The following PDSS2 variants were observed in gnomAD, a reference collection of about 807,000 sequenced individuals.
PDSS2 encodes the protein decaprenyl diphosphate synthase subunit 2.
A neutral mutation model predicts 44.5 loss-of-function variants in PDSS2; 31 were observed. The ratio of observed to expected loss-of-function variants is 0.70; its 90% CI spans 0.52 to 0.94. PDSS2 has a LOEUF of 0.94. Among genes scored for constraint, PDSS2 ranks in the 40% least tolerant of loss-of-function variants. PDSS2 has a pLI of 0.00. For missense variants in PDSS2, 452 were observed against 482.2 expected, an observed-to-expected ratio of 0.94 and a Z score of 0.59; for synonymous variants, 157 against 180.3, an observed-to-expected ratio of 0.87 and a Z score of 1.03.
At chr6:107,419,178 T>C (rs968974242) in intron 1 of PDSS2, among the ~76,000 whole-genome samples, 5 of 152,170 alleles carry the variant, frequency 3.3e-5, no homozygotes, top group Admixed American at 1.3e-4. Context: ...TGCTCTAGTA[T>C]AGCAACTCAT....
chr6:107,443,567 T>G (rs1243270458), intron 1 of PDSS2, among the ~76,000 whole-genome samples: 3 of 152,244 alleles, frequency 2.0e-5, no homozygotes. Context: ...TCTGTTTGTT[T>G]ACAGTGGAAG....
At chr6:107,264,812 A>G (rs1480810167) in intron 3 of PDSS2, among the ~76,000 whole-genome samples, 2 of 152,172 alleles carry the variant, frequency 1.3e-5, no homozygotes, top group Non-Finnish European at 2.9e-5. Context: ...AAAATTTTAG[A>G]TTCTGGCATG....
chr6:107,440,788 G>A (rs1781491000), intron 1 of PDSS2, among the ~76,000 whole-genome samples: 1 of 152,198 alleles, frequency 6.6e-6, no homozygotes, highest in Non-Finnish European at 1.5e-5. Context: ...AAGAGAATGA[G>A]TACAGGTAGA....
chr6:107,309,670 T>C (rs931460513), intron 2 of PDSS2, among the ~76,000 whole-genome samples: 31 of 152,198 alleles, frequency 2.0e-4, no homozygotes, highest in African/African-American at 7.2e-4. Flanking sequence ...GTGGCTGTCA[T>C]TGCGAATCCT....
chr6:107,204,093 T>C (rs1772886874), intron 6 of PDSS2, among the ~76,000 whole-genome samples: 1 of 151,926 alleles, frequency 6.6e-6, no homozygotes, highest in Admixed American at 6.6e-5. Context: ...CGGGTGCCTA[T>C]TACCACACCC....
At chr6:107,388,147 A>G (rs920341323) in intron 1 of PDSS2, among the ~76,000 whole-genome samples, 9 of 152,222 alleles carry the variant, frequency 5.9e-5, no homozygotes, top group African/African-American at 2.2e-4. Context: ...ATGCATAAGA[A>G]GAGAAGAAAG....
intron 7 of PDSS2, among the ~76,000 whole-genome samples, chr6:107,174,354 A>G (rs1460869036): frequency 6.6e-6 from 1 of 152,252 alleles, no homozygotes; most frequent in Non-Finnish European, 1.5e-5. Flanking sequence ...AAGAACCTTC[A>G]AATGACTAGA....
rs552319727 is a variant in PDSS2, at chr6:107,223,763, C to G, written c.703-11481G>C. On this transcript the variant is annotated intron_variant, in intron 4 of 7. Coordinates refer to ENST00000369037, the MANE Select transcript of PDSS2 (RefSeq NM_020381.4). ...TGAATGACATCTATGTACCCGCCCC[C>G]GACCCCGACCCACCAAGAGCATTTA... is the stretch of plus-strand genomic sequence containing the variant. Among the ~76,000 whole-genome samples the G allele has an allele frequency of 2.6e-4, 37 of 144,330 alleles. 2 individuals are homozygous for G. Among genetic ancestry groups the G allele is most frequent in the African/African-American group, 9.3e-4 (36 of 38,842 alleles). The allele number at this position is 144,330 out of a possible 152,430, so 94.7% of individuals were successfully genotyped here.
intron 3 of PDSS2, 57 bp from the exon 4 acceptor site, chr6:107,245,676 C>T: frequency 9.0e-7 from 1 of 1,114,136 alleles, no homozygotes; most frequent in South Asian, 1.5e-5. Context: ...TCTATTGTTA[C>T]CTCAGAATGT....
intron 4 of PDSS2, among the ~76,000 whole-genome samples, chr6:107,221,910 A>C (rs542398091): frequency 4.5e-4 from 69 of 152,334 alleles, no homozygotes; most frequent in African/African-American, 1.5e-3. Flanking sequence ...CCTTTCACAT[A>C]ATCAGAAAAG....
chr6:107,172,306 A>G (rs1771607854), intron 7 of PDSS2, among the ~76,000 whole-genome samples: 1 of 152,250 alleles, frequency 6.6e-6, no homozygotes, highest in Non-Finnish European at 1.5e-5. Context: ...TTAAAATATT[A>G]AAGAGAAGGC....
chr6:107,421,086 TGAAAAAACGTTC>T (rs1277181713), intron 1 of PDSS2, among the ~76,000 whole-genome samples: 1 of 152,160 alleles, frequency 6.6e-6, no homozygotes, highest in Non-Finnish European at 1.5e-5. Context: ...AATCAGCACA[TGAAAAAACGTTC>T]GACATCATTA....
intron 2 of PDSS2, among the ~76,000 whole-genome samples, chr6:107,291,894 G>A (rs550616226): frequency 4.6e-5 from 7 of 152,170 alleles, no homozygotes; most frequent in African/African-American, 1.4e-4. Flanking sequence ...GCTGTAGGCC[G>A]TAATAAAGAT....
chr6:107,198,441 G>A (rs1294998610), intron 6 of PDSS2, among the ~76,000 whole-genome samples: 2 of 152,028 alleles, frequency 1.3e-5, no homozygotes, highest in Admixed American at 6.6e-5. Flanking sequence ...CACAATAAAT[G>A]TTCTAGCTCT....
At chr6:107,295,136 G>T (rs1232474843) in intron 2 of PDSS2, among the ~76,000 whole-genome samples, 1 of 152,098 alleles carries the variant, frequency 6.6e-6, no homozygotes, top group Non-Finnish European at 1.5e-5. Flanking sequence ...GTTTTGCCAT[G>T]TTGGCCAGGC....
At chr6:107,402,548 TATATAA>T (rs376696487) in intron 1 of PDSS2, among the ~76,000 whole-genome samples, 45,791 of 83,902 alleles carry the variant, frequency 0.55, 10,887 homozygotes, top group Middle Eastern at 0.69. Context: ...TATATATATA[TATATAA>T]AAATATATAT....
At chr6:107,410,129 T>C (rs745559153) in intron 1 of PDSS2, among the ~76,000 whole-genome samples, 3 of 152,114 alleles carry the variant, frequency 2.0e-5, no homozygotes, top group Non-Finnish European at 2.9e-5. Context: ...GCCATTTACA[T>C]TAGAAGTCTC....
chr6:107,429,785 G>A (rs1420732379), intron 1 of PDSS2, among the ~76,000 whole-genome samples: 13 of 149,622 alleles, frequency 8.7e-5, no homozygotes, highest in Non-Finnish European at 4.4e-5. Flanking sequence ...TTCGGAGGCT[G>A]AGGCAGGAGA....
chr6:107,419,196 G>A (rs1177556990), intron 1 of PDSS2, among the ~76,000 whole-genome samples: 1 of 152,022 alleles, frequency 6.6e-6, no homozygotes, highest in African/African-American at 2.4e-5. Flanking sequence ...CATAAATGAC[G>A]AGTTTCCCTA....
Sources: gnomAD v4.1 joint callset for allele counts (sites outside exome capture counted in the v4.1 genomes callset) on GRCh38, gnomAD v4.1.1 for gene constraint, MANE v1.5 for transcripts, NCBI Gene and HGNC (gene_info 2026-07-23, HGNC 2026-07-21) for gene names.